IGFL2: variants seen among roughly 807,000 people sequenced by gnomAD.
The protein encoded by IGFL2 is insulin growth factor-like family member 2.
A neutral mutation model predicts 13.9 loss-of-function variants in IGFL2; 7 were observed. The observed-to-expected ratio is 0.51, with a 90% CI of 0.29 to 0.95. IGFL2 has a LOEUF of 0.95. Ranked by LOEUF, IGFL2 falls within the 40% of genes least tolerant of loss-of-function variation. The pLI is 0.08. For missense variants in IGFL2, 138 were observed against 147.8 expected, an observed-to-expected ratio of 0.93 and a Z score of 0.34; for synonymous variants, 55 against 55.8, an observed-to-expected ratio of 0.99 and a Z score of 0.07.
At chr19:46,190,906 G>T in the IGFL2 span, among the ~76,000 whole-genome samples, 9 of 152,074 alleles carry the variant, frequency 5.9e-5, no homozygotes, top group Non-Finnish European at 1.2e-4. Context: ...TTGACTATTC[G>T]GGAGTCCCGC....
At chr19:46,122,442 T>G in the IGFL2 span, among the ~76,000 whole-genome samples, 5 of 151,104 alleles carry the variant, frequency 3.3e-5, no homozygotes, top group Non-Finnish European at 7.4e-5. Context: ...AGTCATTTCC[T>G]GAGCCAAAAG....
the IGFL2 span, among the ~76,000 whole-genome samples, chr19:46,086,546 G>C: frequency 6.6e-6 from 1 of 152,080 alleles, no homozygotes; most frequent in Admixed American, 6.6e-5. Context: ...CTCATCTCAA[G>C]CTCCTGACCT....
rs1973244685 is a variant in IGFL2, at chr19:46,148,250, T to C, written c.-29T>C. The stretch of plus-strand genomic sequence containing the variant: ...AAAGTCACTGACCCATTTGCACTGC[T>C]GCTGTCCCATCAGCTGCTCTGAAGC... On this transcript the variant is annotated 5_prime_UTR_variant, in exon 1 of 4. Transcript: ENST00000377693. 6.4e-7 allele frequency: 1 copy of C among 1,550,726 alleles called. No homozygotes were observed. Among genetic ancestry groups the C allele is most frequent in the Non-Finnish European group, 8.7e-7 (1 of 1,146,064 alleles).
At chr19:46,108,086 G>C in the IGFL2 span, among the ~76,000 whole-genome samples, 1 of 151,930 alleles carries the variant, frequency 6.6e-6, no homozygotes, top group African/African-American at 2.4e-5. Context: ...ATTATAGGGT[G>C]GGGGAGTGGA....
At chr19:46,210,659 G>A in the IGFL2 span, among the ~76,000 whole-genome samples, 8 of 151,852 alleles carry the variant, frequency 5.3e-5, no homozygotes, top group Non-Finnish European at 8.8e-5. Flanking sequence ...GCCTTTTCAC[G>A]TTTTTCTTCC....
At chr19:46,102,661 C>G in the IGFL2 span, among the ~76,000 whole-genome samples, 2 of 152,140 alleles carry the variant, frequency 1.3e-5, no homozygotes, top group Non-Finnish European at 2.9e-5. Context: ...GTTTTCACTT[C>G]TTTTGTGAAT....
the IGFL2 span, among the ~76,000 whole-genome samples, chr19:46,193,314 C>CT: frequency 6.6e-6 from 1 of 152,160 alleles, no homozygotes; most frequent in Non-Finnish European, 1.5e-5. Flanking sequence ...GTGAGTCATC[C>CT]TTCGTGCAGC....
chr19:46,112,783 G>A, the IGFL2 span, among the ~76,000 whole-genome samples: 1 of 152,210 alleles, frequency 6.6e-6, no homozygotes. Context: ...CATTCTGGAT[G>A]TAATGTAATG....
chr19:46,116,282 CGTT>C, the IGFL2 span, among the ~76,000 whole-genome samples: 1 of 152,128 alleles, frequency 6.6e-6, no homozygotes, highest in African/African-American at 2.4e-5. Context: ...AAAGAGCTCT[CGTT>C]GTCTTTCTGG....
At chr19:46,170,873 G>A in the IGFL2 span, among the ~76,000 whole-genome samples, 1 of 152,158 alleles carries the variant, frequency 6.6e-6, no homozygotes, top group African/African-American at 2.4e-5. Context: ...CAATGACAAT[G>A]TGTGCACGGC....
chr19:46,109,655 T>C, the IGFL2 span, among the ~76,000 whole-genome samples: 1 of 152,110 alleles, frequency 6.6e-6, no homozygotes, highest in Non-Finnish European at 1.5e-5. Flanking sequence ...TATTACAAAG[T>C]ACCTTGTTAA....
the IGFL2 span, among the ~76,000 whole-genome samples, chr19:46,177,401 A>T: frequency 6.6e-6 from 1 of 152,164 alleles, no homozygotes; most frequent in Non-Finnish European, 1.5e-5. Flanking sequence ...TCAAAACAAT[A>T]TACAGATAGT....
chr19:46,149,401 C>G (rs1410630688), intron 1 of IGFL2, among the ~76,000 whole-genome samples: 8 of 147,236 alleles, frequency 5.4e-5, no homozygotes, highest in African/African-American at 2.0e-4. Flanking sequence ...TCCCTCCTCT[C>G]CTTCCTTCTC....
At chr19:46,098,552 T>C in the IGFL2 span, among the ~76,000 whole-genome samples, 1 of 149,788 alleles carries the variant, frequency 6.7e-6, no homozygotes, top group African/African-American at 2.5e-5. Context: ...TGATCTCAGC[T>C]CACTGCACTT....
chr19:46,178,048 G>A, the IGFL2 span, among the ~76,000 whole-genome samples: 2 of 152,142 alleles, frequency 1.3e-5, no homozygotes, highest in Admixed American at 6.5e-5. Context: ...AGAGGCCGAG[G>A]CGGGTGGATC....
the IGFL2 span, among the ~76,000 whole-genome samples, chr19:46,106,364 G>T: frequency 6.6e-6 from 1 of 152,170 alleles, no homozygotes; most frequent in African/African-American, 2.4e-5. Context: ...TGGACAGAAA[G>T]AAAGTAAATC....
chr19:46,197,537 T>A, the IGFL2 span, among the ~76,000 whole-genome samples: 1 of 151,924 alleles, frequency 6.6e-6, no homozygotes, highest in Admixed American at 6.6e-5. Context: ...CTCCCCCATC[T>A]CTGGCCTGCT....
the IGFL2 span, chr19:46,203,474 C>T: frequency 6.6e-6 from 1 of 152,252 alleles, no homozygotes; most frequent in African/African-American, 2.4e-5. Context: ...TGGTTTCTTA[C>T]AGTTTTTGCT....
At chr19:46,153,670 AT>A (rs1973637839) in intron 1 of IGFL2, among the ~76,000 whole-genome samples, 1 of 151,962 alleles carries the variant, frequency 6.6e-6, no homozygotes, top group African/African-American at 2.4e-5. Flanking sequence ...TGCTTATATA[AT>A]TACACAATTC....
Sources: allele counts gnomAD v4.1 joint callset (sites outside exome capture counted in the v4.1 genomes callset), GRCh38; gene constraint gnomAD v4.1.1; transcripts MANE v1.5; gene names NCBI Gene and HGNC (gene_info 2026-07-23, HGNC 2026-07-21).